The following COBLL1 variants were observed in gnomAD, a reference collection of about 807,000 sequenced individuals.
COBLL1 encodes the protein cordon-bleu protein-like 1.
A neutral mutation model predicts 94.8 loss-of-function variants in COBLL1; 50 were observed. The observed-to-expected ratio is 0.53, with a 90% CI of 0.42 to 0.67. COBLL1 has a LOEUF of 0.67. COBLL1 is among the 30% of genes least tolerant of loss of function. COBLL1 has a pLI of 0.00. For synonymous variants in COBLL1, 448 were observed against 473.8 expected (o/e 0.95, Z 0.71); for missense variants, 1,362 against 1,348.7 (o/e 1.01, Z -0.15).
At chr2:164,841,948 C>T, upstream of COBLL1, 1 of 1,535,370 alleles carries the variant, frequency 6.5e-7, no homozygotes, top group Non-Finnish European at 8.7e-7. This position sits in a 1 kb window ranked among gnomAD's most constrained non-coding sequence, Gnocchi z 5.5. Context: ...AGCCCGCTCT[C>T]TCACTCACCC....
chr2:164,796,705 CAAAAAAAAA>C (rs34412964), intron 2 of COBLL1, among the ~76,000 whole-genome samples: 3 of 86,728 alleles, frequency 3.5e-5, no homozygotes, highest in Non-Finnish European at 4.5e-5. Flanking sequence ...GCTGGCCTTC[CAAAAAAAAA>C]AAAAAAAAAA....
intron 2 of COBLL1, among the ~76,000 whole-genome samples, chr2:164,796,392 T>A (rs899190282): frequency 6.6e-6 from 1 of 152,066 alleles, no homozygotes; most frequent in African/African-American, 2.4e-5. Context: ...GTGAAGAGCA[T>A]TAGCAGAGAA....
chr2:164,797,161 G>C (rs1683506208), intron 2 of COBLL1, among the ~76,000 whole-genome samples: 1 of 152,160 alleles, frequency 6.6e-6, no homozygotes, highest in Non-Finnish European at 1.5e-5. Context: ...ATAAGTTACA[G>C]GTAGAATGCG....
At chr2:164,839,583 T>C (rs1405792768) in intron 2 of COBLL1, among the ~76,000 whole-genome samples, 2 of 152,242 alleles carry the variant, frequency 1.3e-5, no homozygotes, top group Non-Finnish European at 2.9e-5. Flanking sequence ...CATGGGTGTA[T>C]TTTGTGAAAG....
chr2:164,808,887 C>G (rs747476420), intron 2 of COBLL1, among the ~76,000 whole-genome samples: 3 of 152,116 alleles, frequency 2.0e-5, no homozygotes, highest in Non-Finnish European at 4.4e-5. Flanking sequence ...TGTTGCCCCA[C>G]TCACATATTC....
downstream of COBLL1, among the ~76,000 whole-genome samples, chr2:164,676,556 G>C (rs1223799994): frequency 6.6e-6 from 1 of 152,106 alleles, no homozygotes; most frequent in African/African-American, 2.4e-5. Context: ...TAAAATGCTG[G>C]TTTCAATAAT....
chr2:164,836,586 A>G (rs1451348022), intron 2 of COBLL1, among the ~76,000 whole-genome samples: 1 of 152,210 alleles, frequency 6.6e-6, no homozygotes, highest in Admixed American at 6.5e-5. Context: ...TCTGATCCTC[A>G]GTTTCATTCA....
chr2:164,665,663 C>T (rs931854281), intron 2 of COBLL1, among the ~76,000 whole-genome samples: 4 of 152,158 alleles, frequency 2.6e-5, no homozygotes, highest in African/African-American at 7.2e-5. Context: ...TGGATGGTAG[C>T]TATTTTTTAA....
At chr2:164,768,197 C>T (rs1056921815) in intron 2 of COBLL1, among the ~76,000 whole-genome samples, 3 of 152,144 alleles carry the variant, frequency 2.0e-5, no homozygotes, top group African/African-American at 7.2e-5. Flanking sequence ...CAACCACCTG[C>T]TACTCCTTAA....
chr2:164,786,105 G>A (rs1198581157), intron 2 of COBLL1, among the ~76,000 whole-genome samples: 1 of 152,144 alleles, frequency 6.6e-6, no homozygotes, highest in African/African-American at 2.4e-5. Flanking sequence ...TAACAAAGTT[G>A]AATTTGCTGC....
Position 164,695,573 on chromosome 2 carries a change from T to A in COBLL1, c.1819A>T (p.Thr607Ser). The change falls in exon 12 of 14, where the codon ACC becomes TCC. Residue 607 changes from threonine to serine, a missense_variant. By Grantham distance (58) the Thr-to-Ser change is moderately conservative. Transcript: ENST00000652658. ...EKTKDAAIQTTPSCNSFDGKH... is the reference protein window; with the variant it reads ...EKTKDAAIQTSPSCNSFDGKH... The stretch of plus-strand genomic sequence containing the variant: ...CCATCAAAACTGTTACAAGAAGGGG[T>A]TGTCTGAATTGCTGCATCTTTTGTC... 18 of 1,613,926 alleles carry A rather than the reference T, an allele frequency of 1.1e-5. No individual in the cohort carries two copies. The highest frequency in any genetic ancestry group is 1.5e-5 in the Non-Finnish European group (18 of 1,179,902).
chr2:164,792,700 A>G (rs1164815777), intron 2 of COBLL1, among the ~76,000 whole-genome samples: 2 of 152,206 alleles, frequency 1.3e-5, no homozygotes, highest in African/African-American at 4.8e-5. Context: ...TAGAGGAAAA[A>G]GACATAATTG....
chr2:164,767,833 A>G (rs913477223), intron 2 of COBLL1, among the ~76,000 whole-genome samples: 2 of 152,140 alleles, frequency 1.3e-5, no homozygotes, highest in Non-Finnish European at 2.9e-5. Flanking sequence ...TGTATATAAT[A>G]TTTTTTAAAT....
chr2:164,729,989 T>C lies in COBLL1; in HGVS notation c.357A>G (p.Gly119=). 1 of 1,614,074 alleles carries C rather than the reference T, an allele frequency of 6.2e-7. No homozygotes were observed. The highest frequency in any genetic ancestry group is 8.5e-7 in the Non-Finnish European group (1 of 1,179,984). ...AAATTACCTTCTCTACCTCCAACAT[T>C]CCTATTGGTGTGTTTGGCTTAAATT... ...HIKFKPNTPI[G]MLEVEKVILK... is the part of the protein sequence containing the mutation. The change falls in exon 4 of 14, where the codon GGA becomes GGG. Residue 119 remains glycine (G), a synonymous_variant. Transcript: ENST00000652658.
At chr2:164,704,127 G>GGT (rs960632092) in intron 9 of COBLL1, among the ~76,000 whole-genome samples, 1 of 152,000 alleles carries the variant, frequency 6.6e-6, no homozygotes, top group Non-Finnish European at 1.5e-5. Context: ...TCCTAATTAC[G>GGT]GTGTGTCATT....
intron 2 of COBLL1, among the ~76,000 whole-genome samples, chr2:164,781,930 T>C (rs577827059): frequency 6.6e-6 from 1 of 152,294 alleles, no homozygotes; most frequent in Admixed American, 6.5e-5. Flanking sequence ...AAAAACATTA[T>C]CAATGTGTTG....
chr2:164,784,123 T>G (rs1257444871), intron 2 of COBLL1, among the ~76,000 whole-genome samples: 2 of 152,200 alleles, frequency 1.3e-5, no homozygotes, highest in Non-Finnish European at 2.9e-5. Flanking sequence ...TTCTCAGGCT[T>G]CCTTTCTCTC....
intron 3 of COBLL1, among the ~76,000 whole-genome samples, chr2:164,741,827 T>G (rs1031661940): frequency 3.9e-5 from 6 of 152,070 alleles, no homozygotes; most frequent in African/African-American, 1.4e-4. Context: ...AAAAAATACA[T>G]ATGAAGAAAA....
rs1482155472 is a variant in COBLL1, at chr2:164,680,453, C to T, written c.*5493G>A. On this transcript the variant is annotated 3_prime_UTR_variant, in exon 14 of 14. Transcript: ENST00000652658. The stretch of plus-strand genomic sequence containing the variant: ...ATGAACCCTTCAGTGAACTTTTCCC[C>T]ATTCATAACATGGGGGCATCGCTGA... 6.6e-6 allele frequency: 1 copy of T among 152,104 alleles called. No individual in the cohort carries two copies. Among genetic ancestry groups the T allele is most frequent in the East Asian group, 1.9e-4 (1 of 5,182 alleles). 9.4% of individuals were successfully genotyped at this position (152,104 alleles called of 1,614,324 possible).
Sources: gnomAD v4.1 joint callset for allele counts (sites outside exome capture counted in the v4.1 genomes callset) on GRCh38, gnomAD v4.1.1 for gene constraint, Gnocchi (gnomAD v3.1) non-coding constraint, MANE v1.5 for transcripts, NCBI Gene and HGNC (gene_info 2026-07-23, HGNC 2026-07-21) for gene names.